KAZN: variants seen among roughly 807,000 people sequenced by gnomAD.
KAZN encodes kazrin, periplakin interacting protein, also known as kazrin.
Under a neutral mutation model 87.4 loss-of-function variants are expected in KAZN, and 40 were observed. The ratio of observed to expected loss-of-function variants is 0.46; its 90% confidence interval spans 0.36 to 0.60. The LOEUF (loss-of-function observed/expected upper bound fraction) is 0.60. KAZN is among the 20% of genes least tolerant of loss of function. The probability of loss-of-function intolerance (pLI) is 0.00; values close to 1 mark genes in which losing one functional copy is unlikely to be tolerated. For missense variants in KAZN, 898 were observed against 1,073.9 expected (o/e 0.84, Z 2.29); for synonymous variants, 466 against 458.3 (o/e 1.02, Z -0.22).
At chr1:14,119,072 GA>G (rs1390691763) in intron 1 of KAZN, among the ~76,000 whole-genome samples, 1 of 152,140 alleles carries the variant, frequency 6.6e-6, no homozygotes, top group Admixed American at 6.5e-5. Flanking sequence ...CCCTTTGCTA[GA>G]GCCAGGATTC....
chr1:15,089,810 G>C (rs1172605803), intron 8 of KAZN, among the ~76,000 whole-genome samples: 1 of 151,104 alleles, frequency 6.6e-6, no homozygotes, highest in Admixed American at 6.6e-5. Flanking sequence ...TGGCTGCAGA[G>C]GCTCAAAGCT....
At chr1:14,226,895 T>C (rs967290235) in intron 2 of KAZN, among the ~76,000 whole-genome samples, 1 of 152,142 alleles carries the variant, frequency 6.6e-6, no homozygotes, top group African/African-American at 2.4e-5. Flanking sequence ...TGGGGCCTAC[T>C]TGAGGGTGGA....
intron 1 of KAZN, among the ~76,000 whole-genome samples, chr1:14,027,759 G>T (rs1641143334): frequency 6.6e-6 from 1 of 152,150 alleles, no homozygotes; most frequent in Non-Finnish European, 1.5e-5. Context: ...AATGACTTGT[G>T]TTTAATGTTT....
intron 1 of KAZN, among the ~76,000 whole-genome samples, chr1:14,833,045 TAATC>T (rs376936368): frequency 6.6e-4 from 101 of 152,350 alleles, no homozygotes; most frequent in African/African-American, 2.3e-3. Context: ...ATAATTTACT[TAATC>T]ATAAATAAAA....
chr1:14,901,457 G>A (rs1179307514), intron 1 of KAZN, among the ~76,000 whole-genome samples: 1 of 152,150 alleles, frequency 6.6e-6, no homozygotes, highest in African/African-American at 2.4e-5. Flanking sequence ...TGGGAAGCCA[G>A]TGGAGGACCC....
In KAZN at chr1:14,707,307, A is replaced by T. The variant is rs953934951; in HGVS notation, c.226+108084A>T. Among the ~76,000 whole-genome samples the T allele has an allele frequency of 3.9e-5, 6 of 152,308 alleles. No individual in the cohort carries two copies. In the East Asian group the frequency reaches 1.2e-3, roughly 29 times the overall value. On this transcript the variant is annotated intron_variant, in intron 1 of 14. Transcript: ENST00000376030. The stretch of plus-strand genomic sequence containing the variant: ...TTGGAGGTAATAAATGCGTGAGAGG[A>T]TAAAGGCAATAACAGATCCACTCCA...
At chr1:14,359,134 A>G (rs1659286057) in intron 2 of KAZN, among the ~76,000 whole-genome samples, 1 of 152,214 alleles carries the variant, frequency 6.6e-6, no homozygotes, top group African/African-American at 2.4e-5. Flanking sequence ...TATTTAGGAT[A>G]GTTAGCTCTT....
chr1:14,525,060 C>G (rs1396204965), intron 2 of KAZN, among the ~76,000 whole-genome samples: 1 of 152,182 alleles, frequency 6.6e-6, no homozygotes, highest in Non-Finnish European at 1.5e-5. Context: ...GCAGCTCACC[C>G]AGGAAGGACA....
chr1:14,375,745 G>A (rs185039631), intron 2 of KAZN, among the ~76,000 whole-genome samples: 26 of 152,168 alleles, frequency 1.7e-4, no homozygotes, highest in Admixed American at 1.2e-3. Context: ...AAAATTAGCC[G>A]GGTGTGGTGG....
Position 14,960,725 on chromosome 1 carries a change from C to T in KAZN, c.268C>T (p.His90Tyr), listed in dbSNP as rs201714126. 2 of 1,585,042 alleles carry T rather than the reference C, an allele frequency of 1.3e-6. No homozygotes were observed. The highest frequency in any genetic ancestry group is 2.7e-5 in the African/African-American group (2 of 74,634). Residue 90 changes from histidine (H) to tyrosine (Y), a missense_variant, in exon 2 of 15, where the codon CAC (histidine) becomes TAC (tyrosine). His to Tyr is a moderately conservative substitution (Grantham distance 83, BLOSUM62 2). This residue lies in a region of KAZN where 250 missense variants were observed against 263.0 expected (regional missense o/e 0.95). Coordinates refer to ENST00000376030, the MANE Select transcript of KAZN (RefSeq NM_201628.3). ...EEVSRLQEEV[H>Y]LLRQMKEMLA... ...AGTGTCGCGGCTCCAGGAGGAAGTT[C>T]ACCTTCTCCGGCAGATGAAGGAGAT...
At chr1:14,269,176 G>A (rs565654481) in intron 2 of KAZN, among the ~76,000 whole-genome samples, 36 of 152,198 alleles carry the variant, frequency 2.4e-4, no homozygotes, top group Non-Finnish European at 5.0e-4. Flanking sequence ...CTTGGAAGAG[G>A]GGATTTAGAT....
chr1:14,086,373 C>T (rs1021111831), intron 1 of KAZN, among the ~76,000 whole-genome samples: 2 of 152,060 alleles, frequency 1.3e-5, no homozygotes, highest in Non-Finnish European at 2.9e-5. Flanking sequence ...CCCAACAGGA[C>T]CCAGTGTATG....
chr1:14,408,064 C>T (rs1557697453), intron 2 of KAZN, among the ~76,000 whole-genome samples: 1 of 152,206 alleles, frequency 6.6e-6, no homozygotes, highest in South Asian at 2.1e-4. Context: ...CAGGGGGCTG[C>T]CCCTCAGGTC....
In KAZN at chr1:14,912,499, G is replaced by C. The variant is rs899982342; in HGVS notation, c.227-48185G>C. Among the ~76,000 whole-genome samples, 18 of 152,220 alleles carry C rather than the reference G, an allele frequency of 1.2e-4. 1 individual carries two copies. Among genetic ancestry groups the C allele is most frequent in the African/African-American group, 4.1e-4 (17 of 41,548 alleles). On this transcript the variant is annotated intron_variant, in intron 1 of 14. Transcript: ENST00000376030. ...TTGATAATACCTCCCTCCCACCTCA[G>C]CCTCCCGAGTAGCTGAAATTACAGG... is the stretch of plus-strand genomic sequence containing the variant.
intron 2 of KAZN, among the ~76,000 whole-genome samples, chr1:15,012,658 A>G (rs918011089): frequency 6.6e-6 from 1 of 152,208 alleles, no homozygotes; most frequent in Non-Finnish European, 1.5e-5. Context: ...GTGGTTGCTC[A>G]CGCCTGTAAT....
rs1022391630 is a variant in KAZN, at chr1:14,144,438, G to C, written c.92-35997G>C. Among the ~76,000 whole-genome samples the C allele has an allele frequency of 4.6e-5, 7 of 152,008 alleles. 1 individual carries two copies. The highest frequency in any genetic ancestry group is 4.6e-4 in the Admixed American group (7 of 15,250). Reference sequence around the variant, plus strand: ...TATGTCATTTTTAGTTTCTCTCTTAGTTACTGTCTTAGTTTATTATTATTT... The same window carrying C: ...TATGTCATTTTTAGTTTCTCTCTTACTTACTGTCTTAGTTTATTATTATTT... On this transcript the variant is annotated intron_variant, in intron 1 of 16. Coordinates refer to the KAZN transcript ENST00000636203.
chr1:14,924,533 G>A (rs2101523513), intron 1 of KAZN: 5 of 1,010,992 alleles, frequency 4.9e-6, no homozygotes, highest in South Asian at 8.9e-5. Context: ...CCGCGCCGGG[G>A]TTCCCCGGGT....
At chr1:15,114,427 G>T in intron 14 of KAZN, 44 bp from the exon 15 acceptor site, 2 of 1,500,880 alleles carry the variant, frequency 1.3e-6, no homozygotes, top group South Asian at 1.2e-5. Flanking sequence ...CTTAATTCTT[G>T]TTTCTCTTCT....
At chr1:15,103,824 G>T (rs3817993) in intron 12 of KAZN, among the ~76,000 whole-genome samples, 199 bp from the exon 13 acceptor site, 1 of 152,128 alleles carries the variant, frequency 6.6e-6, no homozygotes, top group Non-Finnish European at 1.5e-5. Context: ...CTAGGGTCAG[G>T]GACCATCTCA....
Sources: gnomAD v4.1 joint callset for allele counts (sites outside exome capture counted in the v4.1 genomes callset) on GRCh38, gnomAD v4.1.1 for gene constraint, gnomAD v4.1.1 regional missense constraint, MANE v1.5 for transcripts, NCBI Gene and HGNC (gene_info 2026-07-23, HGNC 2026-07-21) for gene names.